The following DPF3 variants were observed in gnomAD, a reference collection of about 807,000 sequenced individuals.
The protein encoded by DPF3 is zinc finger protein DPF3.
In DPF3, 18 loss-of-function variants were observed where a neutral mutation model predicts 56.8. The ratio of observed to expected loss-of-function variants is 0.32; its 90% CI spans 0.22 to 0.47. The LOEUF is 0.47. Ranked by LOEUF, DPF3 falls within the 20% of genes least tolerant of loss-of-function variation. The pLI is 1.00. For synonymous variants in DPF3, 188 were observed against 180.2 expected, an observed-to-expected ratio of 1.04 and a Z score of -0.35; for missense variants, 403 against 488.8, an observed-to-expected ratio of 0.82 and a Z score of 1.65.
intron 1 of DPF3, among the ~76,000 whole-genome samples, chr14:72,874,833 T>C (rs1886046561): frequency 6.6e-6 from 1 of 152,248 alleles, no homozygotes; most frequent in Non-Finnish European, 1.5e-5. Context: ...CAAAGTCACT[T>C]CCACATTTTC....
chr14:72,663,058 G>A (rs953803358), intron 8 of DPF3, among the ~76,000 whole-genome samples: 4 of 150,410 alleles, frequency 2.7e-5, no homozygotes, highest in Non-Finnish European at 5.9e-5. Context: ...TCAGCAGCAT[G>A]AGATCAGCCA....
intron 8 of DPF3, chr14:72,661,059 C>CAGACTTTTTA (rs1886192728): frequency 1.0e-6 from 1 of 985,342 alleles, no homozygotes; most frequent in Admixed American, 6.1e-5. Flanking sequence ...GCATTGGAAA[C>CAGACTTTTTA]AGACTTTTTA....
At chr14:72,698,314 T>C (rs1567203892) in intron 6 of DPF3, among the ~76,000 whole-genome samples, 1 of 152,232 alleles carries the variant, frequency 6.6e-6, no homozygotes, top group Admixed American at 6.5e-5. Flanking sequence ...ACATGAGATA[T>C]TCAATGCTTT....
At chr14:72,676,333 G>T (rs560887912) in intron 7 of DPF3, among the ~76,000 whole-genome samples, 2 of 152,158 alleles carry the variant, frequency 1.3e-5, no homozygotes, top group Non-Finnish European at 2.9e-5. Flanking sequence ...CTCCTCAGCT[G>T]TCTCTCTCCT....
intron 8 of DPF3, among the ~76,000 whole-genome samples, chr14:72,643,390 G>C (rs1003118206): frequency 3.9e-5 from 6 of 152,222 alleles, no homozygotes; most frequent in Non-Finnish European, 7.3e-5. Flanking sequence ...AGCCAGACTT[G>C]CTTACATGAG....
At chr14:72,664,833 T>C (rs1886379998) in intron 8 of DPF3, among the ~76,000 whole-genome samples, 1 of 152,216 alleles carries the variant, frequency 6.6e-6, no homozygotes, top group Admixed American at 6.5e-5. Context: ...CTGGAGGATA[T>C]GAGTGATATC....
chr14:72,670,442 G>C (rs1489145383), intron 8 of DPF3: 1 of 985,856 alleles, frequency 1.0e-6, no homozygotes, highest in Non-Finnish European at 1.2e-6. Context: ...GACTTCTCTG[G>C]AACTACTGAC....
At chr14:72,801,341 C>T (rs1330207773) in intron 1 of DPF3, among the ~76,000 whole-genome samples, 1 of 152,134 alleles carries the variant, frequency 6.6e-6, no homozygotes, top group Non-Finnish European at 1.5e-5. Flanking sequence ...CACTAAGTGG[C>T]TCAAAGAACT....
At position 72,611,381 on chromosome 14, in the gene DPF3, T is replaced by C. The variant is rs1049870709; in HGVS notation, c.*7916A>G. Among the ~76,000 whole-genome samples, 1 of 152,238 alleles carries C rather than the reference T, an allele frequency of 6.6e-6. No individual in the cohort carries two copies. The highest frequency in any genetic ancestry group is 1.5e-5 in the Non-Finnish European group (1 of 68,042). On this transcript the variant is annotated 3_prime_UTR_variant, in exon 11 of 11. Transcript: ENST00000556509. ...ACAAGCACCTGGCCAAAGGTGAGCA[T>C]GGAAGGTTTGCTGAAAACCTCTCTG...
chr14:72,811,678 T>TA (rs1883051257), intron 1 of DPF3, among the ~76,000 whole-genome samples: 1 of 152,142 alleles, frequency 6.6e-6, no homozygotes, highest in Non-Finnish European at 1.5e-5. Context: ...CCAGACATGA[T>TA]AGAGGAATTC....
At chr14:72,711,202 G>T (rs1348527402) in intron 6 of DPF3, among the ~76,000 whole-genome samples, 3 of 152,218 alleles carry the variant, frequency 2.0e-5, no homozygotes, top group Non-Finnish European at 4.4e-5. Context: ...CTTGAAAGAT[G>T]GAGTGGGAAT....
At chr14:72,689,212 G>A (rs1887568049) in intron 7 of DPF3, among the ~76,000 whole-genome samples, 1 of 152,246 alleles carries the variant, frequency 6.6e-6, no homozygotes, top group East Asian at 1.9e-4. Context: ...GCTGGGGGGC[G>A]ATAGAGCAAG....
At chr14:72,892,036 C>CA (rs2140138317) in intron 1 of DPF3, 16 of 1,389,132 alleles carry the variant, frequency 1.2e-5, no homozygotes, top group Non-Finnish European at 1.5e-5. Context: ...TACTGTGATC[C>CA]AAAAAACCCT....
At chr14:72,641,138 G>A (rs1885552066) in intron 8 of DPF3, among the ~76,000 whole-genome samples, 1 of 152,178 alleles carries the variant, frequency 6.6e-6, no homozygotes, top group Admixed American at 6.5e-5. Flanking sequence ...GTGTTGCCCT[G>A]GGTGAGCCAT....
intron 1 of DPF3, among the ~76,000 whole-genome samples, chr14:72,774,188 T>C (rs1161292422): frequency 1.4e-5 from 2 of 147,498 alleles, no homozygotes; most frequent in Admixed American, 1.4e-4. Flanking sequence ...AAGAGTCGCT[T>C]GAACTCAGAA....
intron 4 of DPF3, among the ~76,000 whole-genome samples, chr14:72,727,572 T>C (rs1232521521): frequency 6.8e-6 from 1 of 146,070 alleles, no homozygotes; most frequent in African/African-American, 2.5e-5. Flanking sequence ...CGAGACTCCA[T>C]CTCAAAAAAA....
At chr14:72,723,873 T>C in intron 4 of DPF3, 145 bp from the exon 5 acceptor site, 2 of 728,692 alleles carry the variant, frequency 2.7e-6, no homozygotes, top group South Asian at 3.8e-5. Flanking sequence ...TTGGGCCCTC[T>C]GAAATGCTGT....
intron 3 of DPF3, among the ~76,000 whole-genome samples, chr14:72,751,887 G>T (rs547913493): frequency 1.9e-4 from 29 of 152,268 alleles, no homozygotes; most frequent in African/African-American, 6.3e-4. Context: ...CAGGGGTTGG[G>T]ACAACCTTGT....
chr14:72,717,537 T>C (rs1888983134), intron 5 of DPF3, among the ~76,000 whole-genome samples: 1 of 152,314 alleles, frequency 6.6e-6, no homozygotes, highest in Admixed American at 6.5e-5. Flanking sequence ...GTATCATGGG[T>C]ATTAGCATCT....
Sources: gnomAD v4.1 joint callset for allele counts (sites outside exome capture counted in the v4.1 genomes callset) on GRCh38, gnomAD v4.1.1 for gene constraint, MANE v1.5 for transcripts, NCBI Gene and HGNC (gene_info 2026-07-23, HGNC 2026-07-21) for gene names.